Variants in STIMATE observed in about 807,000 individuals in gnomAD.
STIMATE encodes store-operated calcium entry regulator STIMATE.
In STIMATE, 15 loss-of-function variants were observed where a neutral mutation model predicts 36.7. The observed-to-expected ratio is 0.41, with a 90% CI of 0.27 to 0.63. The LOEUF (loss-of-function observed/expected upper bound fraction) is 0.63, where lower values mean the gene tolerates loss of function less well. Among genes scored for constraint, STIMATE ranks in the 20% least tolerant of loss-of-function variants. STIMATE has a pLI of 0.32. For synonymous variants in STIMATE, 163 were observed against 162.3 expected, an observed-to-expected ratio of 1.00 and a Z score of -0.03; for missense variants, 305 against 397.3, an observed-to-expected ratio of 0.77 and a Z score of 1.98.
intron 1 of STIMATE, among the ~76,000 whole-genome samples, chr3:52,861,323 A>G (rs2106686193): frequency 6.6e-6 from 1 of 152,308 alleles, no homozygotes; most frequent in South Asian, 2.1e-4. Flanking sequence ...CACAGGTCCC[A>G]TTCCATTGCT....
In STIMATE at chr3:52,852,590, AG is replaced by A; in HGVS notation, c.305+12del. On this transcript the variant is annotated intron_variant, in intron 3 of 7. Coordinates refer to ENST00000355083, the MANE Select transcript of STIMATE (RefSeq NM_198563.5). ...GGGCAGCTGATGTTTGCACTCAAATAGGGAACACTTACAGTGAACAAGGGTC... is the reference window on the plus strand; with the variant it reads ...GGGCAGCTGATGTTTGCACTCAAATAGGAACACTTACAGTGAACAAGGGTC... 6.2e-7 allele frequency: 1 copy of A among 1,612,512 alleles called. No individual in the cohort carries two copies. Among genetic ancestry groups the A allele is most frequent in the Non-Finnish European group, 8.5e-7 (1 of 1,179,462 alleles).
At chr3:52,887,794 A>G (rs1701713829) in intron 1 of STIMATE, among the ~76,000 whole-genome samples, 2 of 152,146 alleles carry the variant, frequency 1.3e-5, no homozygotes, top group South Asian at 4.1e-4. Flanking sequence ...GGTCCTGTCC[A>G]TAGCAGCAAC....
intron 1 of STIMATE, among the ~76,000 whole-genome samples, chr3:52,874,162 T>C (rs1470483150): frequency 6.6e-6 from 1 of 152,222 alleles, no homozygotes; most frequent in African/African-American, 2.4e-5. Flanking sequence ...ACCAGCTAAA[T>C]GTCCATCGAT....
At position 52,897,525 on chromosome 3, in the gene STIMATE, ACCCGCAGCCGGGAT is replaced by A; in HGVS notation, c.-89_-76del. 1.7e-6 allele frequency: 2 copies of A among 1,182,644 alleles called. No homozygotes were observed. Among genetic ancestry groups the A allele is most frequent in the Admixed American group, 9.1e-5 (2 of 21,934 alleles). The allele number at this position is 1,182,644 out of a possible 1,614,324, so 73.3% of individuals were successfully genotyped here. On this transcript the variant is annotated 5_prime_UTR_variant, in exon 1 of 8. Transcript: ENST00000355083. ...CTGCCTGCCGGCGCAGCGCCGCCAA[ACCCGCAGCCGGGAT>A]CCCAAGCCTGAGCCGGTACCTCCGC... is the stretch of plus-strand genomic sequence containing the variant.
chr3:52,860,474 G>A (rs1031422486), intron 1 of STIMATE, among the ~76,000 whole-genome samples: 8 of 152,116 alleles, frequency 5.3e-5, no homozygotes, highest in African/African-American at 7.2e-5. Flanking sequence ...ACAGCAGGGC[G>A]TGCGGGAGAG....
At chr3:52,855,348 C>T in intron 2 of STIMATE, 48 bp downstream of exon 2, 1 of 1,607,944 alleles carries the variant, frequency 6.2e-7, no homozygotes, top group Non-Finnish European at 8.5e-7. Flanking sequence ...CCAAGACCCC[C>T]AACATAGTCA....
chr3:52,877,427 T>G (rs1381919006), intron 1 of STIMATE, among the ~76,000 whole-genome samples: 1 of 152,052 alleles, frequency 6.6e-6, no homozygotes, highest in Non-Finnish European at 1.5e-5. Context: ...GACAAACCAA[T>G]GAGCATAAGT....
chr3:52,849,924 A>C lies in STIMATE; in HGVS notation c.306-11T>G. ...AAGTTGATGAGGTACCTGTGAGGAC[A>C]GGGCACATGCATGGTCACGGCAGAA... On this transcript the variant is annotated splice_polypyrimidine_tract_variant and intron_variant, in intron 3 of 7. Transcript: ENST00000355083. 1 of 1,611,996 alleles carries C rather than the reference A, an allele frequency of 6.2e-7. No homozygotes were observed. The highest frequency in any genetic ancestry group is 8.5e-7 in the Non-Finnish European group (1 of 1,178,802).
At chr3:52,855,596 C>T (rs1324318268) in intron 1 of STIMATE, 152 bp from the exon 2 acceptor site, 18 of 1,132,050 alleles carry the variant, frequency 1.6e-5, no homozygotes, top group East Asian at 5.2e-5. Flanking sequence ...GTAAGCCCTG[C>T]GAAGGTCACT....
intron 1 of STIMATE, among the ~76,000 whole-genome samples, chr3:52,895,216 A>C (rs1701847029): frequency 6.6e-6 from 1 of 152,170 alleles, no homozygotes; most frequent in Admixed American, 6.5e-5. Context: ...TTCTATTTCA[A>C]CAGGACCAAG....
At chr3:52,843,837 C>T (rs771676253) in intron 5 of STIMATE, 39 bp from the exon 6 acceptor site, 3 of 1,610,396 alleles carry the variant, frequency 1.9e-6, no homozygotes, top group Non-Finnish European at 2.5e-6. Flanking sequence ...AGGGAGAGGC[C>T]ACCGAGAGTG....
intron 1 of STIMATE, among the ~76,000 whole-genome samples, chr3:52,876,692 A>G (rs774605072): frequency 6.6e-6 from 1 of 152,222 alleles, no homozygotes; most frequent in Non-Finnish European, 1.5e-5. Context: ...TTTTCTTACT[A>G]ACATTTCTTA....
rs1700773848 is a variant in STIMATE at position 52,840,352 on chromosome 3, G to A, written c.*142C>T. On this transcript the variant is annotated 3_prime_UTR_variant, in exon 8 of 8. Coordinates refer to ENST00000355083, the MANE Select transcript of STIMATE (RefSeq NM_198563.5). ...CTTTTTAAGTCACAGTAGTCTGGGGGCAGGCGAGAGCGGGCAGAGACAGCA... is the reference window on the plus strand; with the variant it reads ...CTTTTTAAGTCACAGTAGTCTGGGGACAGGCGAGAGCGGGCAGAGACAGCA... 2.1e-6 allele frequency: 2 copies of A among 959,904 alleles called. No homozygotes were observed. The highest frequency in any genetic ancestry group is 3.3e-5 in the African/African-American group (2 of 60,996). The allele number at this position is 959,904 out of a possible 1,614,324, so 59.5% of individuals were successfully genotyped here.
rs757747367 is a variant in STIMATE, at chr3:52,843,808, G to C, written c.541-10C>G. On this transcript the variant is annotated splice_polypyrimidine_tract_variant and intron_variant, in intron 5 of 7. Transcript: ENST00000355083. The stretch of plus-strand genomic sequence containing the variant: ...GATTCAACAGGGCCACCTGTAAAGA[G>C]AAGCAGACTCAGTGAGGTAGGGAGA... The C allele has an allele frequency of 7.1e-6, 11 of 1,547,390 alleles. No individual in the cohort carries two copies. Among genetic ancestry groups the C allele is most frequent in the African/African-American group, 1.4e-5 (1 of 73,160 alleles).
At chr3:52,859,176 T>TA (rs369634496) in intron 1 of STIMATE, among the ~76,000 whole-genome samples, 1,471 of 141,856 alleles carry the variant, frequency 0.01, 8 homozygotes, top group Non-Finnish European at 0.014. Context: ...AAAAATAAAA[T>TA]AAATAAAATA....
intron 3 of STIMATE, 59 bp from the exon 4 acceptor site, chr3:52,849,972 C>A: frequency 1.9e-6 from 3 of 1,572,822 alleles, no homozygotes; most frequent in Non-Finnish European, 1.7e-6. Flanking sequence ...GAGGTCATGG[C>A]TGATGCAGGG....
intron 4 of STIMATE, chr3:52,847,689 C>G (rs572417948): frequency 1.8e-6 from 1 of 563,694 alleles, no homozygotes; most frequent in African/African-American, 1.9e-5. Context: ...CACACAGTTG[C>G]CTACATCCAA....
At chr3:52,870,943 T>C (rs1178148986) in intron 1 of STIMATE, among the ~76,000 whole-genome samples, 1 of 151,934 alleles carries the variant, frequency 6.6e-6, no homozygotes, top group Non-Finnish European at 1.5e-5. Context: ...CAGCACCTTC[T>C]CGACACTCCC....
intron 1 of STIMATE, among the ~76,000 whole-genome samples, chr3:52,865,882 C>G (rs1022600767): frequency 6.6e-6 from 1 of 151,368 alleles, no homozygotes; most frequent in Non-Finnish European, 1.5e-5. Flanking sequence ...ATGCACAGAT[C>G]TGTGTGTGTG....
Sources: allele counts gnomAD v4.1 joint callset (sites outside exome capture counted in the v4.1 genomes callset), GRCh38; gene constraint gnomAD v4.1.1; transcripts MANE v1.5; gene names NCBI Gene and HGNC (gene_info 2026-07-23, HGNC 2026-07-21).